Variants in NSF observed in about 807,000 individuals in gnomAD.
NSF encodes the protein vesicle-fusing ATPase.
Under a neutral mutation model 50.3 loss-of-function variants are expected in NSF, and 14 were observed. The ratio of observed to expected loss-of-function variants is 0.28; its 90% CI spans 0.18 to 0.44. The LOEUF (loss-of-function observed/expected upper bound fraction) is 0.44, where lower values mean the gene tolerates loss of function less well. NSF is among the 20% of genes least tolerant of loss of function. The pLI is 1.00. For missense variants in NSF, 218 were observed against 504.3 expected (o/e 0.43, Z 5.44); for synonymous variants, 109 against 175.7 (o/e 0.62, Z 3.00).
At chr17:46,752,069 G>A (rs1294407651) in intron 19 of NSF, among the ~76,000 whole-genome samples, 4 of 152,142 alleles carry the variant, frequency 2.6e-5, no homozygotes, top group Non-Finnish European at 4.4e-5. Flanking sequence ...CTGCTTTAAG[G>A]GACAAGTTAA....
intron 16 of NSF, among the ~76,000 whole-genome samples, chr17:46,728,516 C>T (rs887192548): frequency 6.6e-6 from 1 of 151,936 alleles, no homozygotes; most frequent in African/African-American, 2.4e-5. Flanking sequence ...ATAATCCCAG[C>T]TACCTGGGAG....
intron 17 of NSF, among the ~76,000 whole-genome samples, chr17:46,745,402 G>A (rs959638964): frequency 6.6e-6 from 1 of 152,194 alleles, no homozygotes; most frequent in African/African-American, 2.4e-5. Flanking sequence ...CCTCTTTGCA[G>A]TTTTTGGAGT....
intron 17 of NSF, among the ~76,000 whole-genome samples, chr17:46,748,736 T>C (rs1598738874): frequency 6.6e-6 from 1 of 152,218 alleles, no homozygotes; most frequent in Admixed American, 6.5e-5. Context: ...CTTTAAACTA[T>C]GTAATGTGTT....
chr17:46,748,606 T>C (rs1264552173), intron 17 of NSF, among the ~76,000 whole-genome samples: 1 of 152,196 alleles, frequency 6.6e-6, no homozygotes, highest in Admixed American at 6.5e-5. Flanking sequence ...ACAGGGAATC[T>C]AACAGAAGAG....
At chr17:46,704,711 A>G (rs2058641884) in intron 12 of NSF, 48 bp from the exon 13 acceptor site, 1 of 1,586,424 alleles carries the variant, frequency 6.3e-7, no homozygotes, top group African/African-American at 1.4e-5. Flanking sequence ...ATTCTTAACT[A>G]TTCTTAAATC....
intron 17 of NSF, among the ~76,000 whole-genome samples, chr17:46,745,018 TC>T (rs2059113193): frequency 6.8e-6 from 1 of 147,422 alleles, no homozygotes; most frequent in Non-Finnish European, 1.5e-5. Flanking sequence ...ATTTCTTTTT[TC>T]CCAAATAGGT....
intron 16 of NSF, among the ~76,000 whole-genome samples, chr17:46,727,868 C>T (rs1307499415): frequency 6.6e-6 from 1 of 152,202 alleles, no homozygotes; most frequent in Non-Finnish European, 1.5e-5. Flanking sequence ...TCAATAAGCA[C>T]TTGCTGAGCC....
chr17:46,671,520 G>A (rs1308297806), intron 8 of NSF, among the ~76,000 whole-genome samples: 2 of 12,634 alleles, frequency 1.6e-4, no homozygotes, highest in Admixed American at 6.2e-4. Flanking sequence ...AGCTTCCTTT[G>A]TGGAAGTACA....
intron 17 of NSF, among the ~76,000 whole-genome samples, chr17:46,748,625 G>T (rs961526418): frequency 6.6e-6 from 1 of 152,208 alleles, no homozygotes; most frequent in Non-Finnish European, 1.5e-5. Context: ...AGAGAGGAAA[G>T]CTCCAGAACT....
intron 17 of NSF, among the ~76,000 whole-genome samples, chr17:46,744,577 T>C (rs2059109150): frequency 6.6e-6 from 1 of 152,196 alleles, no homozygotes; most frequent in Non-Finnish European, 1.5e-5. Flanking sequence ...AAATCAGCCC[T>C]TCCATTTCAC....
chr17:46,719,730 A>G lies in NSF; in HGVS notation c.1761+5744A>G, dbSNP rs754303547. 1.3e-5 allele frequency among the ~76,000 whole-genome samples: 2 copies of G among 152,158 alleles called. No individual in the cohort carries two copies. The highest frequency in any genetic ancestry group is 2.9e-5 in the Non-Finnish European group (2 of 68,018). On this transcript the variant is annotated intron_variant, in intron 15 of 20. Coordinates refer to ENST00000398238, the MANE Select transcript of NSF (RefSeq NM_006178.4). The surrounding 1 kb of genome is among the most constrained non-coding windows in gnomAD (Gnocchi z 4.3). ...TTTAAAAATCTATTTTACTAGTTCT[A>G]TTCGTGCCATTAAATGAACAAAAGA...
rs1225111882 is a variant in NSF, at chr17:46,707,103, G to A, written c.1470+2249G>A. On this transcript the variant is annotated intron_variant, in intron 13 of 20. Coordinates refer to ENST00000398238, the MANE Select transcript of NSF (RefSeq NM_006178.4). Reference sequence around the variant, plus strand: ...TGACCTCAGGTGATCTGCCTGCCTCGGCTTTCCAAAGTACTGGGATTACAG... The same window carrying A: ...TGACCTCAGGTGATCTGCCTGCCTCAGCTTTCCAAAGTACTGGGATTACAG... Among the ~76,000 whole-genome samples the A allele has an allele frequency of 4.6e-5, 7 of 152,140 alleles. No homozygotes were observed. The South Asian group carries it at 6.2e-4, about 14-fold the overall frequency.
chr17:46,602,814 C>G (rs2057926206), intron 1 of NSF, among the ~76,000 whole-genome samples: 1 of 141,798 alleles, frequency 7.1e-6, no homozygotes, highest in Admixed American at 7.1e-5. Context: ...GCAGACAGTT[C>G]CCATTGCTGA....
chr17:46,636,025 A>C (rs2058185154), intron 4 of NSF, among the ~76,000 whole-genome samples: 1 of 59,240 alleles, frequency 1.7e-5, no homozygotes, highest in Admixed American at 1.6e-4. Flanking sequence ...TGGCATTTAT[A>C]AGTATACTTT....
chr17:46,720,657 A>G (rs906928955), intron 15 of NSF, among the ~76,000 whole-genome samples: 11 of 152,230 alleles, frequency 7.2e-5, no homozygotes, highest in Admixed American at 7.2e-4. Context: ...TGATTAGAGT[A>G]TGCTTTTAAC....
intron 1 of NSF, among the ~76,000 whole-genome samples, chr17:46,621,412 A>C (rs62074070): frequency 9.2e-6 from 1 of 108,502 alleles, no homozygotes; most frequent in African/African-American, 4.0e-5. Flanking sequence ...TCAGCCTCCC[A>C]AGTAGCTGGG....
Position 46,719,519 on chromosome 17 carries a change from C to T in NSF, c.1761+5533C>T, listed in dbSNP as rs915152112. The stretch of plus-strand genomic sequence containing the variant: ...AGTGAATCCTTTCTCCATGGATAAA[C>T]TCCTCAAAACTGCTGAAGTATGTAT... On this transcript the variant is annotated intron_variant, in intron 15 of 20. Coordinates refer to ENST00000398238, the MANE Select transcript of NSF (RefSeq NM_006178.4). This position sits in a 1 kb window ranked among gnomAD's most constrained non-coding sequence, Gnocchi z 4.3. 6.6e-6 allele frequency among the ~76,000 whole-genome samples: 1 copy of T among 152,198 alleles called. No individual in the cohort carries two copies. The highest frequency in any genetic ancestry group is 1.5e-5 in the Non-Finnish European group (1 of 68,032).
chr17:46,710,513 T>C (rs2058709000), intron 13 of NSF, among the ~76,000 whole-genome samples: 1 of 152,352 alleles, frequency 6.6e-6, no homozygotes, highest in South Asian at 2.1e-4. Flanking sequence ...GAACATGATC[T>C]TCTCATTACC....
chr17:46,714,544 G>A (rs1026241535), intron 15 of NSF, among the ~76,000 whole-genome samples: 1 of 152,148 alleles, frequency 6.6e-6, no homozygotes, highest in East Asian at 1.9e-4. Context: ...TCTACCATCA[G>A]TGAAGTTAGA....
Sources: allele counts gnomAD v4.1 joint callset (sites outside exome capture counted in the v4.1 genomes callset), GRCh38; gene constraint gnomAD v4.1.1; non-coding constraint Gnocchi (gnomAD v3.1); transcripts MANE v1.5; gene names NCBI Gene and HGNC (gene_info 2026-07-23, HGNC 2026-07-21).